The following MYO1D variants were observed in gnomAD, a reference collection of about 807,000 sequenced individuals.
MYO1D encodes myosin ID, also known as unconventional myosin-Id.
In MYO1D, 83 loss-of-function variants were observed where a neutral mutation model predicts 122.0. The ratio of observed to expected loss-of-function variants is 0.68; its 90% CI spans 0.57 to 0.82. The LOEUF is 0.82. Ranked by LOEUF, MYO1D falls within the 40% of genes least tolerant of loss-of-function variation. The probability of loss-of-function intolerance (pLI) is 0.00; values close to 1 mark genes in which losing one functional copy is unlikely to be tolerated. For missense variants in MYO1D, 1,157 were observed against 1,269.5 expected, an observed-to-expected ratio of 0.91 and a Z score of 1.35; for synonymous variants, 464 against 446.9, an observed-to-expected ratio of 1.04 and a Z score of -0.48.
intron 1 of MYO1D, among the ~76,000 whole-genome samples, chr17:32,871,200 C>CA (rs959192365): frequency 2.6e-5 from 4 of 152,290 alleles, no homozygotes; most frequent in South Asian, 4.1e-4. Context: ...CAAAGACACC[C>CA]ACCCACACAC....
chr17:32,678,455 GTGT>G (rs2088857782), intron 16 of MYO1D, among the ~76,000 whole-genome samples: 1 of 137,340 alleles, frequency 7.3e-6, no homozygotes, highest in African/African-American at 2.8e-5. Flanking sequence ...TCCCCTTCCT[GTGT>G]CCATGTGATC....
chr17:32,769,572 A>C (rs934318739), intron 6 of MYO1D, among the ~76,000 whole-genome samples: 3 of 152,148 alleles, frequency 2.0e-5, no homozygotes, highest in Non-Finnish European at 1.5e-5. Flanking sequence ...TAGTTATAAA[A>C]ATTATTATAT....
intron 21 of MYO1D, among the ~76,000 whole-genome samples, chr17:32,591,158 C>T (rs940487566): frequency 1.3e-5 from 2 of 152,158 alleles, no homozygotes; most frequent in South Asian, 2.1e-4. Context: ...AGATGGGCAC[C>T]GTGCACAGGG....
intron 1 of MYO1D, among the ~76,000 whole-genome samples, chr17:32,872,495 C>T (rs906222822): frequency 6.6e-6 from 1 of 151,826 alleles, no homozygotes; most frequent in East Asian, 1.9e-4. Context: ...AGGATGGTCT[C>T]GATCTCCTGA....
intron 21 of MYO1D, among the ~76,000 whole-genome samples, chr17:32,530,561 G>A (rs1206250701): frequency 6.6e-6 from 1 of 152,218 alleles, no homozygotes; most frequent in East Asian, 1.9e-4. Flanking sequence ...TGCACTTTGG[G>A]AGGCCGAGGT....
chr17:32,613,946 G>A (rs1184826265), intron 20 of MYO1D, among the ~76,000 whole-genome samples: 1 of 151,160 alleles, frequency 6.6e-6, no homozygotes, highest in Non-Finnish European at 1.5e-5. Flanking sequence ...CAAGTATGAA[G>A]TTTTGCATTT....
chr17:32,785,059 G>A (rs773695722), intron 1 of MYO1D, among the ~76,000 whole-genome samples: 1 of 152,170 alleles, frequency 6.6e-6, no homozygotes, highest in African/African-American at 2.4e-5. Flanking sequence ...TCAGTGGGGG[G>A]AATGGTAGGA....
chr17:32,832,939 G>C (rs932286617), intron 1 of MYO1D, among the ~76,000 whole-genome samples: 3 of 152,110 alleles, frequency 2.0e-5, no homozygotes, highest in Non-Finnish European at 2.9e-5. Flanking sequence ...CCCAAGGGAC[G>C]TTTACATTAT....
chr17:32,672,477 G>C (rs539128473), intron 16 of MYO1D, among the ~76,000 whole-genome samples: 3 of 152,090 alleles, frequency 2.0e-5, no homozygotes, highest in African/African-American at 7.2e-5. Flanking sequence ...CAATCATAAA[G>C]GTTTTTTTTC....
intron 16 of MYO1D, among the ~76,000 whole-genome samples, chr17:32,700,367 G>A (rs1339570003): frequency 2.0e-5 from 3 of 152,302 alleles, no homozygotes; most frequent in East Asian, 1.9e-4. Context: ...CTGATAGGCC[G>A]CGGAGCTTGC....
At chr17:32,740,545 G>T (rs2089760438) in intron 13 of MYO1D, among the ~76,000 whole-genome samples, 1 of 152,138 alleles carries the variant, frequency 6.6e-6, no homozygotes, top group African/African-American at 2.4e-5. Flanking sequence ...GTGGTGAGAT[G>T]ATAGCTCACT....
At chr17:32,698,499 T>C (rs1265352862) in intron 16 of MYO1D, among the ~76,000 whole-genome samples, 2 of 152,040 alleles carry the variant, frequency 1.3e-5, no homozygotes, top group African/African-American at 4.8e-5. Context: ...TCAGAGTGCT[T>C]TGTTTAGAAA....
chr17:32,803,732 T>C (rs896182718), intron 1 of MYO1D, among the ~76,000 whole-genome samples: 1 of 152,182 alleles, frequency 6.6e-6, no homozygotes, highest in Non-Finnish European at 1.5e-5. Flanking sequence ...GTCAATTCTC[T>C]TGCGAAGGAA....
chr17:32,737,707 C>A (rs2089722306), intron 14 of MYO1D, among the ~76,000 whole-genome samples: 1 of 152,168 alleles, frequency 6.6e-6, no homozygotes, highest in African/African-American at 2.4e-5. Flanking sequence ...CTCAAGTGAT[C>A]CTCCCGCCTT....
intron 15 of MYO1D, among the ~76,000 whole-genome samples, chr17:32,714,749 G>A (rs1248928602): frequency 1.6e-4 from 25 of 152,120 alleles, no homozygotes; most frequent in Admixed American, 1.6e-3. Flanking sequence ...TACCATTCAG[G>A]ATACAGGCAT....
intron 1 of MYO1D, among the ~76,000 whole-genome samples, chr17:32,801,452 A>G (rs2090460073): frequency 6.6e-6 from 1 of 152,218 alleles, no homozygotes. Context: ...TGGGTTGTCC[A>G]GCAGGGGAGG....
intron 20 of MYO1D, among the ~76,000 whole-genome samples, chr17:32,606,687 T>C (rs906558307): frequency 3.3e-5 from 5 of 152,220 alleles, no homozygotes; most frequent in Admixed American, 2.6e-4. Flanking sequence ...ACCAGGATTA[T>C]AAGGGAACTT....
intron 21 of MYO1D, chr17:32,496,027 G>C (rs1909093337): frequency 6.6e-6 from 1 of 152,350 alleles, no homozygotes; most frequent in Non-Finnish European, 1.5e-5. Flanking sequence ...GGAACGCCAG[G>C]GCCAAGGCCA....
chr17:32,659,024 T>C (rs974433927), intron 17 of MYO1D, 91 bp downstream of exon 17: 8 of 1,192,594 alleles, frequency 6.7e-6, no homozygotes, highest in African/African-American at 1.5e-5. Flanking sequence ...AGCAAATAGC[T>C]GAGTCAATAT....
Sources: allele counts gnomAD v4.1 joint callset (sites outside exome capture counted in the v4.1 genomes callset), GRCh38; gene constraint gnomAD v4.1.1; transcripts MANE v1.5; gene names NCBI Gene and HGNC (gene_info 2026-07-23, HGNC 2026-07-21).